Variants in ST7L observed in about 807,000 individuals in gnomAD.
The protein encoded by ST7L is suppression of tumorigenicity 7 like, also known as suppressor of tumorigenicity 7 protein-like.
A neutral mutation model predicts 72.5 loss-of-function variants in ST7L; 57 were observed. The ratio of observed to expected loss-of-function variants is 0.79; its 90% CI spans 0.64 to 0.98. The LOEUF (loss-of-function observed/expected upper bound fraction) is 0.98. ST7L is among the 50% of genes least tolerant of loss of function. The pLI, the probability that ST7L is intolerant of heterozygous loss-of-function variation, is 0.00. For missense variants in ST7L, 576 were observed against 672.2 expected, an observed-to-expected ratio of 0.86 and a Z score of 1.58; for synonymous variants, 221 against 240.9, an observed-to-expected ratio of 0.92 and a Z score of 0.77.
intron 5 of ST7L, among the ~76,000 whole-genome samples, chr1:112,594,176 T>C (rs920360208): frequency 6.8e-6 from 1 of 147,044 alleles, no homozygotes; most frequent in African/African-American, 2.6e-5. Context: ...ACCTGCTCAC[T>C]GCAAAGATAT....
chr1:112,582,196 C>G, intron 8 of ST7L, 90 bp from the exon 9 acceptor site: 1 of 1,060,406 alleles, frequency 9.4e-7, no homozygotes, highest in Non-Finnish European at 1.4e-6. Context: ...ATTCTTGTTT[C>G]TTACCATAGC....
intron 5 of ST7L, among the ~76,000 whole-genome samples, chr1:112,593,666 C>A (rs933899198): frequency 1.3e-5 from 2 of 152,088 alleles, no homozygotes; most frequent in African/African-American, 4.8e-5. Context: ...GGCATAAATT[C>A]AGATTTTAAT....
rs1469502525 is a variant in ST7L at position 112,525,843 on chromosome 1, G to A, written c.*170C>T. On this transcript the variant is annotated 3_prime_UTR_variant, in exon 15 of 15. Transcript: ENST00000358039. The stretch of plus-strand genomic sequence containing the variant: ...TGTCCTTTTTGACAGCTTCCAAGGG[G>A]GGTTTGCCTAGGAATAACAATATTC... 2 of 811,148 alleles carry A rather than the reference G, an allele frequency of 2.5e-6. No homozygotes were observed. The highest frequency in any genetic ancestry group is 3.6e-6 in the Non-Finnish European group (2 of 556,248). 50.2% of individuals were successfully genotyped at this position (811,148 alleles called of 1,614,324 possible).
chr1:112,605,365 C>G (rs903530558), intron 3 of ST7L, among the ~76,000 whole-genome samples: 1 of 151,624 alleles, frequency 6.6e-6, no homozygotes, highest in Non-Finnish European at 1.5e-5. Flanking sequence ...TGCACTCCAG[C>G]CTGGGCGACA....
chr1:112,613,164 A>G (rs763107354), intron 2 of ST7L, among the ~76,000 whole-genome samples: 1 of 152,066 alleles, frequency 6.6e-6, no homozygotes, highest in Non-Finnish European at 1.5e-5. Flanking sequence ...CAACAACAAC[A>G]CACTTCCCTT....
intron 14 of ST7L, among the ~76,000 whole-genome samples, chr1:112,537,279 G>A (rs1423888825): frequency 1.3e-5 from 2 of 152,102 alleles, no homozygotes; most frequent in Non-Finnish European, 2.9e-5. Flanking sequence ...GATTACAGGC[G>A]TGAGCCACCA....
chr1:112,594,249 T>C (rs1445455034), intron 5 of ST7L, among the ~76,000 whole-genome samples: 6 of 150,642 alleles, frequency 4.0e-5, no homozygotes, highest in Admixed American at 6.6e-5. Flanking sequence ...TTACCCATCC[T>C]GAATCTTACA....
chr1:112,568,836 C>A (rs1407853422), intron 11 of ST7L, among the ~76,000 whole-genome samples: 4 of 110,546 alleles, frequency 3.6e-5, no homozygotes, highest in East Asian at 3.1e-4. Flanking sequence ...ATAGGGAGAC[C>A]CTGTTTTTTA....
chr1:112,563,062 A>G lies in ST7L; in HGVS notation c.1246-7044T>C, dbSNP rs116570554. ...ATTTCTACTTTGTAAAAGTCTGAAG[A>G]GTCTGAATTTTTAAAAAGTACCTAT... On this transcript the variant is annotated intron_variant, in intron 11 of 14. Transcript: ENST00000358039. Among the ~76,000 whole-genome samples the G allele has an allele frequency of 5.6e-3, 858 of 151,908 alleles. 5 individuals are homozygous for G. The highest frequency in any genetic ancestry group is 0.019 in the African/African-American group (772 of 41,426).
chr1:112,595,864 T>C (rs1666404768), intron 5 of ST7L, among the ~76,000 whole-genome samples: 1 of 152,260 alleles, frequency 6.6e-6, no homozygotes, highest in South Asian at 2.1e-4. Flanking sequence ...TATTTAACCT[T>C]ATGATGTCAA....
intron 1 of ST7L, chr1:112,617,261 G>T: frequency 6.0e-6 from 1 of 165,792 alleles, no homozygotes; most frequent in Non-Finnish European, 1.3e-5. Context: ...CAAATTAGAG[G>T]GAAGGAAACA....
chr1:112,584,540 T>C (rs1372315709), intron 6 of ST7L, among the ~76,000 whole-genome samples: 1 of 151,746 alleles, frequency 6.6e-6, no homozygotes, highest in South Asian at 2.1e-4. Flanking sequence ...CAGGCTGGAG[T>C]GCAATGGCCC....
chr1:112,570,672 G>A (rs1661955773), intron 11 of ST7L: 2 of 447,864 alleles, frequency 4.5e-6, no homozygotes, highest in Admixed American at 2.4e-5. Flanking sequence ...ATCCCTTTAT[G>A]TTTGCTTGCT....
intron 10 of ST7L, among the ~76,000 whole-genome samples, chr1:112,577,597 T>C (rs1391596159): frequency 7.4e-6 from 1 of 135,670 alleles, no homozygotes; most frequent in Admixed American, 7.4e-5. Context: ...CAAAGCAGCA[T>C]AAGGAATGAA....
intron 11 of ST7L, among the ~76,000 whole-genome samples, chr1:112,564,071 G>A (rs1446255674): frequency 2.6e-5 from 4 of 152,278 alleles, no homozygotes; most frequent in Non-Finnish European, 4.4e-5. Flanking sequence ...CAGGCAGGGC[G>A]AATGCAGAGT....
At chr1:112,584,916 T>C (rs1404816286) in intron 6 of ST7L, among the ~76,000 whole-genome samples, 1 of 152,170 alleles carries the variant, frequency 6.6e-6, no homozygotes, top group Non-Finnish European at 1.5e-5. Context: ...CTCAGAAACA[T>C]AGTCCAGGAC....
rs757591830 is a variant in ST7L at position 112,555,890 on chromosome 1, C to G, written c.1374G>C (p.Leu458=). The change falls in exon 12 of 15, where the codon CTG becomes CTC. Residue 458 remains leucine, a synonymous_variant. Transcript: ENST00000358039. Reference sequence around the variant, plus strand: ...TACTGCCTTCCCATGTACACTGTAACAGATTAAGAGCACCTTCTATTCGTT... The same window carrying G: ...TACTGCCTTCCCATGTACACTGTAAGAGATTAAGAGCACCTTCTATTCGTT... ...HWKRIEGALN[L]LQCTWEGTFR... 6.3e-7 allele frequency: 1 copy of G among 1,599,726 alleles called. No individual in the cohort carries two copies.
At chr1:112,569,756 A>G (rs1370473955) in intron 11 of ST7L, among the ~76,000 whole-genome samples, 1 of 152,206 alleles carries the variant, frequency 6.6e-6, no homozygotes, top group Non-Finnish European at 1.5e-5. Flanking sequence ...CAGGAGATCA[A>G]GACCACCCTG....
chr1:112,582,953 G>A (rs1469325885), intron 7 of ST7L, among the ~76,000 whole-genome samples: 9 of 152,126 alleles, frequency 5.9e-5, no homozygotes, highest in African/African-American at 2.2e-4. Context: ...TTAACAGTGA[G>A]TAGTTGACAA....
Sources: gnomAD v4.1 joint callset for allele counts (sites outside exome capture counted in the v4.1 genomes callset) on GRCh38, gnomAD v4.1.1 for gene constraint, MANE v1.5 for transcripts, NCBI Gene and HGNC (gene_info 2026-07-23, HGNC 2026-07-21) for gene names.